Variants in CACNA1A observed in about 807,000 individuals in gnomAD.
CACNA1A encodes the protein calcium voltage-gated channel subunit alpha1 A, also known as voltage-dependent P/Q-type calcium channel subunit alpha-1A.
CACNA1A carries 57 observed loss-of-function variants against 262.4 expected under a neutral mutation model. That is an observed-to-expected ratio of 0.22 (90% confidence interval 0.18 to 0.27). CACNA1A has a LOEUF of 0.27. Ranked by LOEUF, CACNA1A falls within the 10% of genes least tolerant of loss-of-function variation. CACNA1A has a pLI of 1.00. For missense variants in CACNA1A, 2,526 were observed against 3,562.8 expected (o/e 0.71, Z 7.41); for synonymous variants, 1,431 against 1,419.3 (o/e 1.01, Z -0.18).
chr19:13,260,298 G>A (rs1407973255), intron 26 of CACNA1A: 1 of 140,582 alleles, frequency 7.1e-6, no homozygotes, highest in Non-Finnish European at 1.5e-5. Context: ...GTGTGTGCGT[G>A]TACATATATA....
chr19:13,242,843 G>A (rs1324713009), intron 31 of CACNA1A, among the ~76,000 whole-genome samples: 2 of 152,194 alleles, frequency 1.3e-5, no homozygotes, highest in African/African-American at 4.8e-5. Flanking sequence ...TACATGAGAA[G>A]AGATAGCGCA....
rs751530649 is a variant in CACNA1A at position 13,318,890 on chromosome 19, C to CTTTTTTTTTTTTTTT, written c.1346-1584_1346-1570dup. On this transcript the variant is annotated intron_variant, in intron 10 of 46. Coordinates refer to ENST00000360228, the MANE Select transcript of CACNA1A (RefSeq NM_001127222.2). ...ATTGAATTTACCTTCTAAAATACAT[C>CTTTTTTTTTTTTTTT]TTTTTTTTTTTTTTTTGAGACAGGA... Among the ~76,000 whole-genome samples, 62 of 114,648 alleles carry CTTTTTTTTTTTTTTT rather than the reference C, an allele frequency of 5.4e-4. 3 individuals carry two copies. Among genetic ancestry groups the CTTTTTTTTTTTTTTT allele is most frequent in the East Asian group, 3.5e-3 (11 of 3,186 alleles). 75.2% of individuals were successfully genotyped at this position (114,648 alleles called of 152,430 possible).
intron 1 of CACNA1A, among the ~76,000 whole-genome samples, chr19:13,467,371 C>T (rs1013298050): frequency 6.6e-6 from 1 of 151,938 alleles, no homozygotes; most frequent in African/African-American, 2.4e-5. Flanking sequence ...ATCCCAGCTA[C>T]TGGGGAGGCT....
chr19:13,317,368 G>T, intron 10 of CACNA1A, 47 bp from the exon 11 acceptor site: 1 of 1,496,102 alleles, frequency 6.7e-7, no homozygotes, highest in South Asian at 1.2e-5. Context: ...TGTTCCTTCA[G>T]AAGAAATTAA....
chr19:13,490,519 C>T (rs1461100104), intron 1 of CACNA1A, among the ~76,000 whole-genome samples: 1 of 152,040 alleles, frequency 6.6e-6, no homozygotes, highest in Non-Finnish European at 1.5e-5. Flanking sequence ...AGGAAAATTG[C>T]TTGAACCGGG....
intron 1 of CACNA1A, among the ~76,000 whole-genome samples, chr19:13,503,423 A>T (rs1413085929): frequency 6.6e-6 from 1 of 152,052 alleles, no homozygotes; most frequent in African/African-American, 2.4e-5. Flanking sequence ...GACTTTATTT[A>T]AGTACCTACA....
At chr19:13,261,917 C>A in intron 25 of CACNA1A, 1 of 266,988 alleles carries the variant, frequency 3.7e-6, no homozygotes. Flanking sequence ...TCTCTCAATC[C>A]TTTTGAGTGA....
chr19:13,428,081 C>T (rs2060438734), intron 3 of CACNA1A, among the ~76,000 whole-genome samples: 1 of 152,162 alleles, frequency 6.6e-6, no homozygotes, highest in African/African-American at 2.4e-5. Context: ...GCACCTGCCA[C>T]CATGCCTGGC....
intron 28 of CACNA1A, among the ~76,000 whole-genome samples, chr19:13,255,676 CCCT>C (rs1236941759): frequency 7.0e-5 from 10 of 142,068 alleles, no homozygotes; most frequent in South Asian, 2.4e-4. Flanking sequence ...CTCGCTCCCT[CCCT>C]CCTTCCTTCC....
intron 1 of CACNA1A, among the ~76,000 whole-genome samples, chr19:13,463,140 T>C (rs910687169): frequency 9.7e-5 from 14 of 144,552 alleles, no homozygotes; most frequent in Non-Finnish European, 4.4e-5. Context: ...GGGTTTGCCT[T>C]TATTTAAAAA....
intron 6 of CACNA1A, among the ~76,000 whole-genome samples, chr19:13,354,869 C>CTTTTTTTTTTTT (rs56350383): frequency 5.2e-5 from 6 of 115,100 alleles, no homozygotes; most frequent in Non-Finnish European, 5.0e-5. Context: ...TTTTCTTTTT[C>CTTTTTTTTTTTT]TTTTTTTTTT....
intron 3 of CACNA1A, among the ~76,000 whole-genome samples, chr19:13,436,390 GAAC>G (rs984680103): frequency 1.3e-5 from 2 of 152,158 alleles, no homozygotes; most frequent in African/African-American, 4.8e-5. Flanking sequence ...TCCTGCTACA[GAAC>G]AACAGGACTG....
At chr19:13,391,165 G>A (rs11673235) in intron 3 of CACNA1A, among the ~76,000 whole-genome samples, 36,985 of 152,110 alleles carry the variant, frequency 0.24, 5,200 homozygotes, top group Non-Finnish European at 0.32. Context: ...GATTACAGGC[G>A]TGAGCCACCG....
intron 2 of CACNA1A, among the ~76,000 whole-genome samples, chr19:13,453,357 T>TA (rs909585666): frequency 6.6e-6 from 1 of 152,134 alleles, no homozygotes; most frequent in Admixed American, 6.5e-5. Flanking sequence ...TGCAATAAAA[T>TA]AAAAAACACA....
intron 1 of CACNA1A, among the ~76,000 whole-genome samples, chr19:13,464,122 T>C (rs902361935): frequency 6.6e-6 from 1 of 152,160 alleles, no homozygotes; most frequent in African/African-American, 2.4e-5. Context: ...AATGCAGAGG[T>C]AGATGCCTAT....
At chr19:13,340,616 G>A (rs188222291) in intron 6 of CACNA1A, among the ~76,000 whole-genome samples, 6 of 151,968 alleles carry the variant, frequency 3.9e-5, no homozygotes, top group African/African-American at 9.7e-5. Context: ...TAGTAGAGGC[G>A]GGGTTTGACC....
chr19:13,286,642 C>A lies in CACNA1A; in HGVS notation c.3414G>T (p.Lys1138Asn). The A allele has an allele frequency of 6.5e-7, 1 of 1,536,742 alleles. No homozygotes were observed. Among genetic ancestry groups the A allele is most frequent in the Non-Finnish European group, 8.8e-7 (1 of 1,142,774 alleles). ...PGNPSNPGPPKTPENSLIVTN... is the reference protein window; with the variant it reads ...PGNPSNPGPPNTPENSLIVTN... ...TGACGATAAGGCTATTCTCGGGGGT[C>A]TTGGGGGGGCCGGGATTGGATGGGT... The change falls in exon 20 of 47, where the codon AAG (lysine) becomes AAT (asparagine). Residue 1138 changes from lysine to asparagine, a missense_variant. Lys to Asn is a moderately conservative substitution (Grantham distance 94). Around this residue, in one of 17 missense-constraint regions of CACNA1A, gnomAD observed 765 missense variants for 748.6 expected, o/e 1.02. Coordinates refer to ENST00000360228, the MANE Select transcript of CACNA1A (RefSeq NM_001127222.2).
chr19:13,491,866 C>T (rs1198676564), intron 1 of CACNA1A, among the ~76,000 whole-genome samples: 1 of 152,118 alleles, frequency 6.6e-6, no homozygotes, highest in African/African-American at 2.4e-5. Context: ...TCAGCACCAA[C>T]AGAGGTACAC....
chr19:13,472,446 C>T (rs186576144), intron 1 of CACNA1A, among the ~76,000 whole-genome samples: 166 of 152,278 alleles, frequency 1.1e-3, no homozygotes, highest in Admixed American at 1.9e-3. Flanking sequence ...AGTTCACCTC[C>T]GGAACTTGAC....
Sources: gnomAD v4.1 joint callset for allele counts (sites outside exome capture counted in the v4.1 genomes callset) on GRCh38, gnomAD v4.1.1 for gene constraint, gnomAD v4.1.1 regional missense constraint, MANE v1.5 for transcripts, NCBI Gene and HGNC (gene_info 2026-07-23, HGNC 2026-07-21) for gene names.